TPTE2: variants seen among roughly 807,000 people sequenced by gnomAD.
TPTE2 encodes phosphatidylinositol 3,4,5-trisphosphate 3-phosphatase TPTE2.
TPTE2 carries 53 observed loss-of-function variants against 78.6 expected under a neutral mutation model. That is an observed-to-expected ratio of 0.67 (90% CI 0.54 to 0.85). The LOEUF is 0.85. TPTE2 is among the 40% of genes least tolerant of loss of function. The pLI, the probability that TPTE2 is intolerant of heterozygous loss-of-function variation, is 0.00. For missense variants in TPTE2, 461 were observed against 623.0 expected, an observed-to-expected ratio of 0.74 and a Z score of 2.77; for synonymous variants, 175 against 206.2, an observed-to-expected ratio of 0.85 and a Z score of 1.30.
chr13:19,429,833 G>A (rs1222050975), intron 17 of TPTE2, among the ~76,000 whole-genome samples: 1 of 152,144 alleles, frequency 6.6e-6, no homozygotes, highest in African/African-American at 2.4e-5. Flanking sequence ...ATAGTTTTAG[G>A]CATTTCTTCA....
chr13:19,515,663 A>G (rs1869746156), intron 1 of TPTE2, among the ~76,000 whole-genome samples: 1 of 152,232 alleles, frequency 6.6e-6, no homozygotes, highest in South Asian at 2.1e-4. Context: ...ATCTATAGGC[A>G]TCCGCTACTT....
intron 18 of TPTE2, among the ~76,000 whole-genome samples, chr13:19,425,479 C>T (rs547276567): frequency 6.6e-6 from 1 of 152,268 alleles, no homozygotes; most frequent in South Asian, 2.1e-4. Context: ...CCCAGTTTCT[C>T]CATGTGACTG....
At chr13:19,423,364 G>A (rs1013248741) in intron 19 of TPTE2, among the ~76,000 whole-genome samples, 200 bp from the exon 23 acceptor site, 1 of 152,066 alleles carries the variant, frequency 6.6e-6, no homozygotes, top group Non-Finnish European at 1.5e-5. Context: ...CAACACATCA[G>A]TAACACATGC....
At chr13:19,541,509 T>A (rs1441869461), upstream of TPTE2, among the ~76,000 whole-genome samples, 2 of 152,258 alleles carry the variant, frequency 1.3e-5, no homozygotes, top group African/African-American at 2.4e-5. Context: ...GTGATTATCC[T>A]GCTCTTATTT....
chr13:19,457,746 T>C (rs748867818), intron 10 of TPTE2, among the ~76,000 whole-genome samples: 8 of 152,222 alleles, frequency 5.3e-5, no homozygotes, highest in Non-Finnish European at 1.2e-4. Flanking sequence ...TATTTATGTA[T>C]CACATTTTCT....
chr13:19,457,779 G>C (rs928058979), intron 10 of TPTE2, among the ~76,000 whole-genome samples: 2 of 151,784 alleles, frequency 1.3e-5, no homozygotes, highest in African/African-American at 4.8e-5. Context: ...GTTTTTTTAA[G>C]TGTTAAATAA....
At chr13:19,497,212 G>A (rs1212017106) in intron 1 of TPTE2, among the ~76,000 whole-genome samples, 2 of 149,070 alleles carry the variant, frequency 1.3e-5, no homozygotes, top group Non-Finnish European at 3.0e-5. Context: ...AGGCGGCAGC[G>A]AGGCTGGGGG....
upstream of TPTE2, among the ~76,000 whole-genome samples, chr13:19,537,388 C>T (rs534801654): frequency 2.0e-5 from 3 of 151,940 alleles, no homozygotes; most frequent in African/African-American, 7.2e-5. Flanking sequence ...CACCTGCCAC[C>T]ATGCCCAGCT....
chr13:19,503,901 C>A (rs577784485), upstream of TPTE2, among the ~76,000 whole-genome samples: 2 of 152,144 alleles, frequency 1.3e-5, no homozygotes, highest in African/African-American at 4.8e-5. Flanking sequence ...CCACCACGCC[C>A]GGCTAATTTT....
At position 19,515,679 on chromosome 13, in the gene TPTE2, C is replaced by T. The variant is rs1344469601; in HGVS notation, c.-43-12402G>A. On this transcript the variant is annotated intron_variant, in intron 1 of 17. Coordinates refer to the TPTE2 transcript ENST00000390680. ...TCTATAGGCATCCGCTACTTTTCAG[C>T]AGGATGAATAATTGGATTGTTTATG... Among the ~76,000 whole-genome samples, 5 of 152,188 alleles carry T rather than the reference C, an allele frequency of 3.3e-5. No homozygotes were observed. In the East Asian group the frequency reaches 9.7e-4, roughly 29 times the overall value.
chr13:19,519,811 A>G (rs1000124539), intron 1 of TPTE2, among the ~76,000 whole-genome samples: 9 of 152,190 alleles, frequency 5.9e-5, no homozygotes, highest in African/African-American at 1.7e-4. Context: ...AATTTCTACA[A>G]AAAGAGAAGC....
At chr13:19,456,051 A>C (rs1370455175) in intron 10 of TPTE2, among the ~76,000 whole-genome samples, 1 of 152,226 alleles carries the variant, frequency 6.6e-6, no homozygotes, top group Non-Finnish European at 1.5e-5. Flanking sequence ...TCAATAAAGA[A>C]AGAAAAAAGT....
At chr13:19,444,785 C>T (rs967966856) in intron 13 of TPTE2, among the ~76,000 whole-genome samples, 1 of 152,152 alleles carries the variant, frequency 6.6e-6, no homozygotes, top group African/African-American at 2.4e-5. Flanking sequence ...TAGAAAGCTA[C>T]AGTAAGATAG....
chr13:19,493,202 G>A (rs188314211), intron 2 of TPTE2, among the ~76,000 whole-genome samples: 3 of 152,030 alleles, frequency 2.0e-5, no homozygotes, highest in African/African-American at 7.3e-5. Flanking sequence ...AAATCTCTAT[G>A]GCCATGCAGG....
intron 1 of TPTE2, among the ~76,000 whole-genome samples, chr13:19,534,296 TGC>T (rs1871070941): frequency 6.6e-6 from 1 of 152,220 alleles, no homozygotes; most frequent in African/African-American, 2.4e-5. Flanking sequence ...CTACTGAATG[TGC>T]ATCACCTTTG....
At chr13:19,431,565 T>C (rs1300452952) in intron 16 of TPTE2, among the ~76,000 whole-genome samples, 4 of 152,260 alleles carry the variant, frequency 2.6e-5, no homozygotes, top group Non-Finnish European at 5.9e-5. Context: ...TGATTGTTCA[T>C]CTCATATGCT....
the TPTE2 span, among the ~76,000 whole-genome samples, chr13:19,546,445 A>G: frequency 7.2e-6 from 1 of 138,160 alleles, no homozygotes. Context: ...ACAACAAAGC[A>G]TTTAGTTAGT....
At chr13:19,536,894 TTATA>T (rs916916747), upstream of TPTE2, 5 of 151,100 alleles carry the variant, frequency 3.3e-5, no homozygotes, top group African/African-American at 9.7e-5. Flanking sequence ...ACACAATTAT[TTATA>T]TATTCATGAA....
At chr13:19,458,494 G>A (rs1429312299) in intron 10 of TPTE2, 1 of 385,892 alleles carries the variant, frequency 2.6e-6, no homozygotes, top group Non-Finnish European at 5.2e-6. Context: ...TTCCAGGAAT[G>A]TACTTCCTGG....
Sources: allele counts gnomAD v4.1 joint callset (sites outside exome capture counted in the v4.1 genomes callset), GRCh38; gene constraint gnomAD v4.1.1; transcripts MANE v1.5; gene names NCBI Gene and HGNC (gene_info 2026-07-23, HGNC 2026-07-21).